Variants in DEPDC5 observed in about 807,000 individuals in gnomAD.
DEPDC5 encodes the protein DEP domain containing 5, GATOR1 subcomplex subunit, also known as GATOR1 complex protein DEPDC5.
Under a neutral mutation model 217.3 loss-of-function variants are expected in DEPDC5, and 73 were observed. The observed-to-expected ratio is 0.34, with a 90% CI of 0.28 to 0.41. The LOEUF is 0.41. DEPDC5 is among the 10% of genes least tolerant of loss of function. The pLI is 1.00. For missense variants in DEPDC5, 1,675 were observed against 2,070.1 expected, an observed-to-expected ratio of 0.81 and a Z score of 3.70; for synonymous variants, 733 against 756.7, an observed-to-expected ratio of 0.97 and a Z score of 0.51.
chr22:31,824,749 C>T (rs944408359), intron 24 of DEPDC5, among the ~76,000 whole-genome samples: 1 of 151,732 alleles, frequency 6.6e-6, no homozygotes, highest in African/African-American at 2.4e-5. Flanking sequence ...GGGTGGATCA[C>T]GAGGTCAGGA....
intron 27 of DEPDC5, among the ~76,000 whole-genome samples, chr22:31,839,309 T>C (rs2091245442): frequency 6.6e-6 from 1 of 152,224 alleles, no homozygotes; most frequent in Admixed American, 6.5e-5. Flanking sequence ...GAAGCAAGAA[T>C]GGGTCATCTA....
chr22:31,757,805 T>G (rs2082059932), intron 2 of DEPDC5, among the ~76,000 whole-genome samples: 1 of 152,054 alleles, frequency 6.6e-6, no homozygotes. Flanking sequence ...TTTCTGTCAC[T>G]CAGGCTGGAG....
intron 33 of DEPDC5, among the ~76,000 whole-genome samples, chr22:31,863,551 G>A (rs538546155): frequency 1.5e-4 from 23 of 152,268 alleles, no homozygotes; most frequent in African/African-American, 5.1e-4. Flanking sequence ...TACCCACCAG[G>A]TGTTTTGTTG....
chr22:31,794,324 G>A (rs770606024), intron 12 of DEPDC5, among the ~76,000 whole-genome samples: 2 of 152,120 alleles, frequency 1.3e-5, no homozygotes, highest in East Asian at 3.8e-4. Flanking sequence ...CAGGAACCAT[G>A]AGAGCTCTTC....
In DEPDC5 at chr22:31,907,391, TTTG is replaced by T. The variant is rs1485905314; in HGVS notation, c.*900_*902del. 1 of 151,304 alleles carries T rather than the reference TTTG, an allele frequency of 6.6e-6. No individual in the cohort carries two copies. The highest frequency in any genetic ancestry group is 1.5e-5 in the Non-Finnish European group (1 of 67,796). The allele number at this position is 151,304 out of a possible 1,614,324, so 9.4% of individuals were successfully genotyped here. A position where few individuals can be genotyped will look rare whatever the true frequency, so the allele number is the denominator to read the frequency against. On this transcript the variant is annotated 3_prime_UTR_variant, in exon 43 of 43. Coordinates refer to ENST00000651528, the MANE Select transcript of DEPDC5 (RefSeq NM_001242896.3). ...TTAGGTTTTTTTTGTTGTTGTTTTT[TTTG>T]TTGTTTTTTTTGACACAGTTTTCAC...
intron 22 of DEPDC5, 40 bp downstream of exon 22, chr22:31,819,265 T>C: frequency 6.2e-7 from 1 of 1,607,956 alleles, no homozygotes; most frequent in Non-Finnish European, 8.5e-7. Context: ...GACTAGGAGC[T>C]CCTAGCCCTG....
chr22:31,804,748 T>A lies in DEPDC5; in HGVS notation c.1144-94T>A, dbSNP rs930617861. ...ACCCACAGCGCCCAGCCCTAAAAAATTTTTTTTAAAAACCTGAAAAACAGA... is the reference window on the plus strand; with the variant it reads ...ACCCACAGCGCCCAGCCCTAAAAAAATTTTTTTAAAAACCTGAAAAACAGA... On this transcript the variant is annotated intron_variant, in intron 16 of 42. Transcript: ENST00000651528. The A allele has an allele frequency of 3.6e-5, 48 of 1,336,380 alleles. 1 individual carries two copies. In the Admixed American group the frequency reaches 6.1e-4, roughly 17 times the overall value. 82.8% of individuals were successfully genotyped at this position (1,336,380 alleles called of 1,614,324 possible). A position where few individuals can be genotyped will look rare whatever the true frequency, so the allele number is the denominator to read the frequency against.
chr22:31,766,394 G>C (rs1240924027), intron 5 of DEPDC5, among the ~76,000 whole-genome samples, 191 bp from the exon 6 acceptor site: 1 of 152,182 alleles, frequency 6.6e-6, no homozygotes, highest in Non-Finnish European at 1.5e-5. Flanking sequence ...ATCAGTTGTA[G>C]ATTTACCAAC....
intron 7 of DEPDC5, among the ~76,000 whole-genome samples, chr22:31,777,558 C>T (rs1374485392): frequency 6.6e-6 from 1 of 151,884 alleles, no homozygotes; most frequent in Admixed American, 6.6e-5. Context: ...CCATGCCTGG[C>T]CAAGAAGCCC....
In DEPDC5 at chr22:31,850,413, C is replaced by T. The variant is rs2091964085; in HGVS notation, c.3155+3446C>T. Among the ~76,000 whole-genome samples, 3 of 152,116 alleles carry T rather than the reference C, an allele frequency of 2.0e-5. 1 individual carries two copies. Among genetic ancestry groups the T allele is most frequent in the Admixed American group, 2.0e-4 (3 of 15,262 alleles). On this transcript the variant is annotated intron_variant, in intron 31 of 42. Transcript: ENST00000651528. Reference sequence around the variant, plus strand: ...AAGAGTCCACATTCACGTAACTTTTCTTACAGTATATGGTATAATTGTTCA... The same window carrying T: ...AAGAGTCCACATTCACGTAACTTTTTTTACAGTATATGGTATAATTGTTCA...
intron 31 of DEPDC5, among the ~76,000 whole-genome samples, chr22:31,856,232 G>GAC (rs58670229): frequency 0.13 from 19,229 of 143,620 alleles, 1,344 homozygotes; most frequent in African/African-American, 0.17. Flanking sequence ...CATTGCCTAT[G>GAC]ACACACACAC....
At chr22:31,796,962 T>G (rs2086309969) in intron 12 of DEPDC5, among the ~76,000 whole-genome samples, 1 of 151,572 alleles carries the variant, frequency 6.6e-6, no homozygotes, top group Non-Finnish European at 1.5e-5. Context: ...CCCAAAGTAC[T>G]GGAATTACAA....
intron 31 of DEPDC5, chr22:31,853,016 A>G (rs940379160): frequency 1.3e-5 from 2 of 152,454 alleles, no homozygotes; most frequent in South Asian, 2.1e-4. Context: ...TGAGAGAAAG[A>G]TAACTGGGAT....
chr22:31,777,771 G>A (rs755585295), intron 7 of DEPDC5, among the ~76,000 whole-genome samples: 9 of 151,540 alleles, frequency 5.9e-5, no homozygotes, highest in Non-Finnish European at 8.8e-5. Flanking sequence ...TTTTTGAGAC[G>A]GAATCTCACT....
At chr22:31,765,252 A>G (rs780901039) in intron 5 of DEPDC5, among the ~76,000 whole-genome samples, 192 bp downstream of exon 5, 14 of 152,284 alleles carry the variant, frequency 9.2e-5, no homozygotes, top group Non-Finnish European at 1.9e-4. Flanking sequence ...GTTCAAGACC[A>G]GCCTGAGCAG....
At chr22:31,788,625 G>A (rs1009101226) in intron 10 of DEPDC5, among the ~76,000 whole-genome samples, 2 of 151,502 alleles carry the variant, frequency 1.3e-5, no homozygotes, top group Non-Finnish European at 2.9e-5. Flanking sequence ...CCAGGCTGGA[G>A]TACAATGGTG....
At chr22:31,765,579 G>T (rs558481974) in intron 5 of DEPDC5, among the ~76,000 whole-genome samples, 9 of 152,004 alleles carry the variant, frequency 5.9e-5, no homozygotes, top group African/African-American at 2.2e-4. Flanking sequence ...AGGAGCTACC[G>T]CGTCCTGCCT....
intron 24 of DEPDC5, among the ~76,000 whole-genome samples, chr22:31,825,685 TC>T (rs2090090428): frequency 6.6e-6 from 1 of 152,184 alleles, no homozygotes; most frequent in South Asian, 2.1e-4. Context: ...AAAATGATCT[TC>T]CTGCTCTGTT....
intron 4 of DEPDC5, among the ~76,000 whole-genome samples, chr22:31,764,091 G>A (rs2082620770): frequency 2.0e-5 from 3 of 151,944 alleles, no homozygotes; most frequent in South Asian, 4.2e-4. Flanking sequence ...CACGACACCT[G>A]GCTAAATTTT....
Sources: gnomAD v4.1 joint callset for allele counts (sites outside exome capture counted in the v4.1 genomes callset) on GRCh38, gnomAD v4.1.1 for gene constraint, MANE v1.5 for transcripts, NCBI Gene and HGNC (gene_info 2026-07-23, HGNC 2026-07-21) for gene names.